Variants in GPHN observed in about 807,000 individuals in gnomAD.
GPHN encodes the protein gephyrin.
In GPHN, 17 loss-of-function variants were observed where a neutral mutation model predicts 95.5. That is an observed-to-expected ratio of 0.18 (90% CI 0.12 to 0.27). The LOEUF is 0.27. Ranked by LOEUF, GPHN falls within the 10% of genes least tolerant of loss-of-function variation. The pLI, the probability that GPHN is intolerant of heterozygous loss-of-function variation, is 1.00. For synonymous variants in GPHN, 320 were observed against 322.5 expected, an observed-to-expected ratio of 0.99 and a Z score of 0.08; for missense variants, 660 against 978.1, an observed-to-expected ratio of 0.67 and a Z score of 4.34.
intron 10 of GPHN, among the ~76,000 whole-genome samples, chr14:67,057,416 G>GC (rs1217171356): frequency 1.3e-5 from 2 of 151,054 alleles, no homozygotes; most frequent in African/African-American, 4.9e-5. Context: ...ATGGGTGGGG[G>GC]GGGCAACAGC....
At chr14:67,469,925 G>A in the GPHN span, among the ~76,000 whole-genome samples, 2 of 152,182 alleles carry the variant, frequency 1.3e-5, no homozygotes, top group African/African-American at 4.8e-5. Flanking sequence ...GTGTTTCCAG[G>A]AGGAGCTCGT....
the GPHN span, chr14:67,332,917 T>C: frequency 2.5e-6 from 4 of 1,613,774 alleles, no homozygotes; most frequent in Non-Finnish European, 3.4e-6. Context: ...ACAAACTTGA[T>C]ACTGAACCTC....
At chr14:67,191,437 T>A in the GPHN span, among the ~76,000 whole-genome samples, 5 of 152,132 alleles carry the variant, frequency 3.3e-5, no homozygotes, top group African/African-American at 1.2e-4. Flanking sequence ...TGTACAGACA[T>A]CCCTCTGAAT....
intron 18 of GPHN, among the ~76,000 whole-genome samples, chr14:67,146,455 C>T (rs2080902407): frequency 6.6e-6 from 1 of 152,172 alleles, no homozygotes; most frequent in Non-Finnish European, 1.5e-5. Context: ...CTTCGACCTA[C>T]AAAATTATTA....
chr14:67,005,628 A>G (rs1594791122), intron 9 of GPHN, among the ~76,000 whole-genome samples: 1 of 151,942 alleles, frequency 6.6e-6, no homozygotes, highest in Non-Finnish European at 1.5e-5. Context: ...ACACAGACTC[A>G]TGTTTCATTT....
the GPHN span, among the ~76,000 whole-genome samples, chr14:67,497,196 A>T: frequency 6.6e-6 from 1 of 152,152 alleles, no homozygotes; most frequent in East Asian, 1.9e-4. Context: ...CTGCGGGCAC[A>T]CACGAATGCC....
chr14:67,577,999 G>T, the GPHN span: 1 of 1,606,138 alleles, frequency 6.2e-7, no homozygotes, highest in South Asian at 1.1e-5. Context: ...TGGTCTGCCT[G>T]TGCTCACTGC....
intron 17 of GPHN, among the ~76,000 whole-genome samples, chr14:67,134,355 A>AG (rs2079909365): frequency 6.6e-6 from 1 of 152,212 alleles, no homozygotes; most frequent in African/African-American, 2.4e-5. Flanking sequence ...GCAATGCCAA[A>AG]TAAGTTGGCT....
At chr14:66,760,656 AG>A in intron 2 of GPHN, 1 of 419,142 alleles carries the variant, frequency 2.4e-6, no homozygotes, top group Non-Finnish European at 4.5e-6. Context: ...AACGTTAAAA[AG>A]AAGCATAATC....
the GPHN span, among the ~76,000 whole-genome samples, chr14:67,495,268 C>A: frequency 6.6e-6 from 1 of 152,154 alleles, no homozygotes; most frequent in Admixed American, 6.5e-5. Flanking sequence ...CCAATTTGGC[C>A]CTCCTTTTTC....
At chr14:67,520,652 GGTTTTTATGTGGACAT>G in the GPHN span, among the ~76,000 whole-genome samples, 1 of 151,176 alleles carries the variant, frequency 6.6e-6, no homozygotes, top group African/African-American at 2.4e-5. Context: ...ACTCCATGCA[GGTTTTTATGTGGACAT>G]AAATTTCCAA....
intron 10 of GPHN, among the ~76,000 whole-genome samples, chr14:67,051,217 C>T (rs914095631): frequency 6.6e-5 from 10 of 151,748 alleles, no homozygotes; most frequent in African/African-American, 1.5e-4. Flanking sequence ...CGGGGAGAGA[C>T]GGCTGCCATC....
chr14:67,387,261 C>T, the GPHN span: 23 of 1,489,004 alleles, frequency 1.5e-5, no homozygotes, highest in Non-Finnish European at 2.0e-5. Flanking sequence ...TTAACACTCC[C>T]ATTCTCCAGG....
intron 11 of GPHN, among the ~76,000 whole-genome samples, chr14:67,067,495 A>G (rs1194971830): frequency 2.6e-5 from 4 of 152,202 alleles, no homozygotes; most frequent in Non-Finnish European, 5.9e-5. Flanking sequence ...GAGCTGTCAG[A>G]CAGGGACGTT....
chr14:66,564,875 G>C (rs2060398722), intron 1 of GPHN, among the ~76,000 whole-genome samples: 1 of 152,050 alleles, frequency 6.6e-6, no homozygotes, highest in African/African-American at 2.4e-5. Context: ...CTCAATTTTA[G>C]GTAGCCACTA....
At chr14:67,466,610 A>C in the GPHN span, among the ~76,000 whole-genome samples, 9 of 152,244 alleles carry the variant, frequency 5.9e-5, no homozygotes, top group Admixed American at 1.3e-4. Context: ...AGTTTCTTAA[A>C]GCACTCACTA....
intron 2 of GPHN, among the ~76,000 whole-genome samples, chr14:66,690,975 T>C (rs1429403945): frequency 6.6e-6 from 1 of 152,202 alleles, no homozygotes; most frequent in African/African-American, 2.4e-5. Flanking sequence ...AACTCCTATA[T>C]GCTGACTCAC....
chr14:67,509,645 T>C, the GPHN span, among the ~76,000 whole-genome samples: 1 of 152,172 alleles, frequency 6.6e-6, no homozygotes, highest in Non-Finnish European at 1.5e-5. Context: ...TGTTAACCTA[T>C]ACTGCCTCCA....
the GPHN span, among the ~76,000 whole-genome samples, chr14:67,310,084 A>G: frequency 1.3e-5 from 2 of 151,762 alleles, no homozygotes; most frequent in Admixed American, 1.3e-4. Flanking sequence ...TAAAGAAAAC[A>G]TATTTCTAGA....
Sources: gnomAD v4.1 joint callset for allele counts (sites outside exome capture counted in the v4.1 genomes callset) on GRCh38, gnomAD v4.1.1 for gene constraint, MANE v1.5 for transcripts, NCBI Gene and HGNC (gene_info 2026-07-23, HGNC 2026-07-21) for gene names.